AK9: variants seen among roughly 807,000 people sequenced by gnomAD.
AK9 encodes adenylate kinase 9, also known as adenylate kinase domain containing 1.
In AK9, 191 loss-of-function variants were observed where a neutral mutation model predicts 239.6. The observed-to-expected ratio is 0.80, with a 90% confidence interval of 0.71 to 0.90. The LOEUF (loss-of-function observed/expected upper bound fraction) is 0.90. AK9 is among the 40% of genes least tolerant of loss of function. The probability of loss-of-function intolerance (pLI) is 0.00; values close to 1 mark genes in which losing one functional copy is unlikely to be tolerated. For missense variants in AK9, 1,995 were observed against 2,214.7 expected (o/e 0.90, Z 1.99); for synonymous variants, 689 against 721.0 (o/e 0.96, Z 0.71).
intron 28 of AK9, among the ~76,000 whole-genome samples, chr6:109,529,518 G>A (rs1482905961): frequency 2.6e-5 from 4 of 152,142 alleles, no homozygotes; most frequent in Non-Finnish European, 4.4e-5. Flanking sequence ...GACCGAAGAT[G>A]GGGATTGTTT....
chr6:109,534,515 A>G (rs920774476), intron 27 of AK9, among the ~76,000 whole-genome samples: 1 of 150,534 alleles, frequency 6.6e-6, no homozygotes, highest in African/African-American at 2.4e-5. Context: ...TGACAGTTTC[A>G]GCCTTCAAAG....
chr6:109,659,698 G>C (rs1350034136), intron 6 of AK9, among the ~76,000 whole-genome samples: 1 of 152,080 alleles, frequency 6.6e-6, no homozygotes, highest in Non-Finnish European at 1.5e-5. Context: ...AGAAACAGTA[G>C]AGAAATGGAA....
chr6:109,579,969 T>C (rs940166869), intron 19 of AK9, among the ~76,000 whole-genome samples: 11 of 152,174 alleles, frequency 7.2e-5, no homozygotes, highest in African/African-American at 2.7e-4. Context: ...TAATGTCAAG[T>C]AAGAAAAGTC....
In AK9 at chr6:109,540,914, G is replaced by A. The variant is rs140538796; in HGVS notation, c.3350+1133C>T. ...AGTTTCTCCATCTGAATGCCCTTCTGGAATTATACACACATTATACTGTCA... is the reference window on the plus strand; with the variant it reads ...AGTTTCTCCATCTGAATGCCCTTCTAGAATTATACACACATTATACTGTCA... On this transcript the variant is annotated intron_variant, in intron 27 of 40. Coordinates refer to ENST00000424296, the MANE Select transcript of AK9 (RefSeq NM_001145128.3). Among the ~76,000 whole-genome samples, 17 of 152,176 alleles carry A rather than the reference G, an allele frequency of 1.1e-4. No individual in the cohort carries two copies. In the East Asian group the frequency reaches 3.3e-3, roughly 29 times the overall value.
chr6:109,536,033 G>A (rs945411845), intron 27 of AK9, among the ~76,000 whole-genome samples: 15 of 152,176 alleles, frequency 9.9e-5, no homozygotes, highest in African/African-American at 3.6e-4. Flanking sequence ...TTGAAGTCAG[G>A]TAGCGTGATG....
chr6:109,522,516 T>C (rs9386811), intron 29 of AK9, among the ~76,000 whole-genome samples: 31,540 of 151,962 alleles, frequency 0.21, 3,463 homozygotes, highest in South Asian at 0.34. Flanking sequence ...CTTTTCCTTT[T>C]TCTCAATTTA....
chr6:109,528,355 T>C (rs1780777480), intron 29 of AK9: 1 of 359,192 alleles, frequency 2.8e-6, no homozygotes, highest in Non-Finnish European at 5.5e-6. Flanking sequence ...ACGATTTCTG[T>C]AAGTTTTGCT....
At chr6:109,683,515 A>C (rs1417800710) in intron 1 of AK9, among the ~76,000 whole-genome samples, 1 of 152,204 alleles carries the variant, frequency 6.6e-6, no homozygotes, top group African/African-American at 2.4e-5. Flanking sequence ...GTCTCAGCCC[A>C]AAATCTCCTT....
At chr6:109,663,885 G>T (rs773835500) in intron 5 of AK9, among the ~76,000 whole-genome samples, 1 of 152,184 alleles carries the variant, frequency 6.6e-6, no homozygotes, top group South Asian at 2.1e-4. Context: ...TATTCCAAAG[G>T]CTATTAAAAT....
intron 8 of AK9, among the ~76,000 whole-genome samples, 157 bp from the exon 9 acceptor site, chr6:109,644,845 T>G (rs1378357674): frequency 6.6e-6 from 1 of 152,250 alleles, no homozygotes; most frequent in Admixed American, 6.5e-5. Flanking sequence ...AGAGATCTTT[T>G]GCAAAAGCTC....
At chr6:109,595,363 G>GA (rs1228479110) in intron 17 of AK9, among the ~76,000 whole-genome samples, 1 of 152,202 alleles carries the variant, frequency 6.6e-6, no homozygotes, top group East Asian at 1.9e-4. Flanking sequence ...AGATGCTGGA[G>GA]AGGACATGGA....
intron 12 of AK9, among the ~76,000 whole-genome samples, chr6:109,626,296 T>C (rs1795518718): frequency 6.6e-6 from 1 of 152,216 alleles, no homozygotes; most frequent in Admixed American, 6.5e-5. Flanking sequence ...ATTTGGTCCA[T>C]TTCAGGGCCA....
chr6:109,511,380 T>C (rs755572164), intron 32 of AK9, among the ~76,000 whole-genome samples: 3 of 152,190 alleles, frequency 2.0e-5, no homozygotes, highest in Non-Finnish European at 2.9e-5. Flanking sequence ...TATGAGGAAT[T>C]TTTCTTCTGT....
At chr6:109,647,831 A>G (rs1798296331) in intron 8 of AK9, among the ~76,000 whole-genome samples, 1 of 152,162 alleles carries the variant, frequency 6.6e-6, no homozygotes, top group Non-Finnish European at 1.5e-5. Flanking sequence ...CTGACCACAT[A>G]GTTGGAAGTA....
intron 8 of AK9, among the ~76,000 whole-genome samples, chr6:109,651,084 G>T (rs1798867251): frequency 6.6e-6 from 1 of 152,084 alleles, no homozygotes; most frequent in Admixed American, 6.5e-5. Context: ...ACTGTTGTGG[G>T]GTGGGGGTAG....
intron 8 of AK9, among the ~76,000 whole-genome samples, chr6:109,654,157 T>G (rs1799358834): frequency 6.6e-6 from 1 of 152,110 alleles, no homozygotes; most frequent in Non-Finnish European, 1.5e-5. Flanking sequence ...TTCTCCTTAT[T>G]GCAAGTTTGA....
Position 109,621,944 on chromosome 6 carries a change from CAAA to C in AK9, c.1255-2711_1255-2709del, listed in dbSNP as rs1387179128. The stretch of plus-strand genomic sequence containing the variant: ...AAAAACAGAAAGAGAAATTCCAGAG[CAAA>C]AAAAACAAAAAAAAAAACAAAAAAA... On this transcript the variant is annotated intron_variant, in intron 12 of 40. Coordinates refer to ENST00000424296, the MANE Select transcript of AK9 (RefSeq NM_001145128.3). Among the ~76,000 whole-genome samples the C allele has an allele frequency of 9.9e-4, 66 of 66,496 alleles. 1 individual carries two copies. The highest frequency in any genetic ancestry group is 1.7e-3 in the Non-Finnish European group (55 of 31,954). 43.6% of individuals were successfully genotyped at this position (66,496 alleles called of 152,430 possible).
At chr6:109,581,805 A>T (rs1221657992) in intron 19 of AK9, among the ~76,000 whole-genome samples, 1 of 152,192 alleles carries the variant, frequency 6.6e-6, no homozygotes, top group Non-Finnish European at 1.5e-5. Context: ...ACAGGCTTCT[A>T]TTGGAAGAAG....
At chr6:109,570,485 T>A (rs187674516) in intron 21 of AK9, among the ~76,000 whole-genome samples, 85 of 151,930 alleles carry the variant, frequency 5.6e-4, no homozygotes, top group African/African-American at 2.0e-3. Flanking sequence ...ACTATTTGAG[T>A]GATAGGTATG....
Sources: gnomAD v4.1 joint callset for allele counts (sites outside exome capture counted in the v4.1 genomes callset) on GRCh38, gnomAD v4.1.1 for gene constraint, MANE v1.5 for transcripts, NCBI Gene and HGNC (gene_info 2026-07-23, HGNC 2026-07-21) for gene names.